Variants in ZBTB38 observed in about 807,000 individuals in gnomAD.
ZBTB38 encodes the protein zinc finger and BTB domain-containing protein 38.
Under a neutral mutation model 76.8 loss-of-function variants are expected in ZBTB38, and 20 were observed. The ratio of observed to expected loss-of-function variants is 0.26; its 90% CI spans 0.18 to 0.38. The LOEUF is 0.38. Among genes scored for constraint, ZBTB38 ranks in the 10% least tolerant of loss-of-function variants. The pLI is 1.00. For synonymous variants in ZBTB38, 504 were observed against 544.2 expected, an observed-to-expected ratio of 0.93 and a Z score of 1.03; for missense variants, 1,082 against 1,482.3, an observed-to-expected ratio of 0.73 and a Z score of 4.43.
chr3:141,356,897 CA>C (rs1391100848), intron 1 of ZBTB38, among the ~76,000 whole-genome samples: 6 of 152,178 alleles, frequency 3.9e-5, no homozygotes, highest in African/African-American at 1.4e-4. Context: ...CATTAATCAT[CA>C]AGAATGACTT....
At chr3:141,408,372 C>T (rs1363225189) in intron 5 of ZBTB38, among the ~76,000 whole-genome samples, 1 of 152,194 alleles carries the variant, frequency 6.6e-6, no homozygotes, top group Non-Finnish European at 1.5e-5. Context: ...CGTGGCAAAA[C>T]CCCATCTCTA....
intron 1 of ZBTB38, among the ~76,000 whole-genome samples, chr3:141,361,747 G>C (rs574592740): frequency 1.3e-5 from 2 of 152,290 alleles, no homozygotes; most frequent in African/African-American, 4.8e-5. Context: ...TAAATTACAG[G>C]AAAGAGCCTC....
intron 4 of ZBTB38, chr3:141,388,519 C>T (rs1288469501): frequency 6.6e-6 from 1 of 152,106 alleles, no homozygotes; most frequent in East Asian, 1.9e-4. Context: ...GACCATATAG[C>T]TGTGGTTCTG....
intron 1 of ZBTB38, among the ~76,000 whole-genome samples, chr3:141,332,587 T>C (rs2148884342): frequency 6.6e-6 from 1 of 152,292 alleles, no homozygotes; most frequent in African/African-American, 2.4e-5. Flanking sequence ...GGGGCTATAA[T>C]ATGTAATGGG....
intron 1 of ZBTB38, among the ~76,000 whole-genome samples, chr3:141,333,184 C>T (rs887232653): frequency 6.6e-6 from 1 of 152,178 alleles, no homozygotes; most frequent in Non-Finnish European, 1.5e-5. Context: ...ATTGTTTGCT[C>T]CGGTAAAGCC....
chr3:141,411,100 CTGTT>C (rs923511486), intron 5 of ZBTB38, among the ~76,000 whole-genome samples: 3 of 152,200 alleles, frequency 2.0e-5, no homozygotes, highest in African/African-American at 2.4e-5. Context: ...GAACAACTGA[CTGTT>C]TGTAGAGTTG....
chr3:141,381,810 C>T (rs1263100651), intron 3 of ZBTB38, among the ~76,000 whole-genome samples: 2 of 152,136 alleles, frequency 1.3e-5, no homozygotes, highest in East Asian at 1.9e-4. Context: ...GCCTACTTGA[C>T]CTAGAAAACA....
chr3:141,431,385 TTGGGTA>T (rs1345734994), intron 5 of ZBTB38, among the ~76,000 whole-genome samples: 3 of 147,118 alleles, frequency 2.0e-5, no homozygotes, highest in Non-Finnish European at 4.4e-5. Flanking sequence ...TCAGTGGAAT[TTGGGTA>T]AAACAAGAAA....
At chr3:141,406,814 A>G (rs978537776) in intron 5 of ZBTB38, among the ~76,000 whole-genome samples, 2 of 152,206 alleles carry the variant, frequency 1.3e-5, no homozygotes, top group African/African-American at 2.4e-5. Flanking sequence ...GGAGCCAGGC[A>G]TGTCAGACCG....
chr3:141,376,972 G>C (rs1020104872), intron 2 of ZBTB38, among the ~76,000 whole-genome samples: 2 of 152,206 alleles, frequency 1.3e-5, no homozygotes, highest in African/African-American at 4.8e-5. Context: ...ACACTATGCT[G>C]ATAACGATCT....
chr3:141,371,041 C>CTTTTTTTTTTTTTTT (rs1944488920), intron 2 of ZBTB38, among the ~76,000 whole-genome samples: 2 of 75,458 alleles, frequency 2.7e-5, no homozygotes, highest in African/African-American at 1.3e-4. Flanking sequence ...TCTTTTCTTT[C>CTTTTTTTTTTTTTTT]TTTCTTTTTT....
chr3:141,392,417 G>A (rs1384215993), intron 4 of ZBTB38, among the ~76,000 whole-genome samples: 3 of 152,202 alleles, frequency 2.0e-5, no homozygotes, highest in African/African-American at 7.2e-5. Flanking sequence ...TGCAGTCCAG[G>A]TTCCCACACA....
In ZBTB38 at chr3:141,443,918, T is replaced by C. The variant is rs2150987077; in HGVS notation, c.1530T>C (p.His510=). The C allele has an allele frequency of 6.2e-7, 1 of 1,614,210 alleles. No individual in the cohort carries two copies. The highest frequency in any genetic ancestry group is 2.2e-5 in the East Asian group (1 of 44,876). The change falls in exon 6 of 6, where the codon CAT becomes CAC. Residue 510 remains histidine (H), a synonymous_variant. Coordinates refer to ENST00000321464, the MANE Select transcript of ZBTB38 (RefSeq NM_001376113.1). The surrounding 1 kb of genome is among the most constrained non-coding windows in gnomAD (Gnocchi z 5.6). Reference sequence around the variant, plus strand: ...ACAGGACAAGGCATGAAATTTGGCATACGGGAGAAAGACGATATCAGTGCA... The same window carrying C: ...ACAGGACAAGGCATGAAATTTGGCACACGGGAGAAAGACGATATCAGTGCA... The part of the protein sequence containing the change: ...AEYRTRHEIW[H]TGERRYQCIF...
rs1001730041 is a variant in ZBTB38, at chr3:141,413,801, A to G, written c.-1+9770A>G. Among the ~76,000 whole-genome samples the G allele has an allele frequency of 3.9e-5, 6 of 152,358 alleles. No individual in the cohort carries two copies. Among genetic ancestry groups the G allele is most frequent in the Admixed American group, 2.0e-4 (3 of 15,304 alleles). ...GAAGCTTGAACAGACTTTATCATTAATGTGACTGACTGGAGCAAAGTGAAG... is the reference window on the plus strand; with the variant it reads ...GAAGCTTGAACAGACTTTATCATTAGTGTGACTGACTGGAGCAAAGTGAAG... On this transcript the variant is annotated intron_variant, in intron 5 of 5. Transcript: ENST00000321464. The surrounding 1 kb of genome is among the most constrained non-coding windows in gnomAD (Gnocchi z 4.1).
intron 5 of ZBTB38, among the ~76,000 whole-genome samples, chr3:141,434,703 A>C (rs75206890): frequency 0.03 from 4,517 of 152,282 alleles, 84 homozygotes; most frequent in Non-Finnish European, 0.045. Context: ...TCCCAGTGGC[A>C]TTTATATAAA....
intron 1 of ZBTB38, among the ~76,000 whole-genome samples, chr3:141,340,953 A>G (rs868525432): frequency 0.02 from 2,844 of 139,344 alleles, 57 homozygotes; most frequent in East Asian, 0.05. Flanking sequence ...AAAGAAGGAA[A>G]GAAAGAAAGA....
chr3:141,442,454 C>G lies in ZBTB38; in HGVS notation c.66C>G (p.Ile22Met). 1 of 1,614,186 alleles carries G rather than the reference C, an allele frequency of 6.2e-7. No individual in the cohort carries two copies. Among genetic ancestry groups the G allele is most frequent in the Non-Finnish European group, 8.5e-7 (1 of 1,180,024 alleles). The change falls in exon 6 of 6, where the codon ATC (isoleucine) becomes ATG (methionine). Residue 22 changes from isoleucine (I) to methionine (M), a missense_variant. Around this residue, in one of 8 missense-constraint regions of ZBTB38, gnomAD observed 68 missense variants for 153.0 expected, o/e 0.44. Transcript: ENST00000321464. The surrounding 1 kb of genome is among the most constrained non-coding windows in gnomAD (Gnocchi z 6.4). Reference sequence around the variant, plus strand: ...TTCACAGTGACACGGTACTCTCCATCTTAAATGAGCAGCGCATTCGGGGCA... The same window carrying G: ...TTCACAGTGACACGGTACTCTCCATGTTAAATGAGCAGCGCATTCGGGGCA... ...DDFHSDTVLS[I>M]LNEQRIRGIL...
intron 5 of ZBTB38, among the ~76,000 whole-genome samples, 170 bp downstream of exon 5, chr3:141,404,201 C>A (rs1407584268): frequency 1.3e-5 from 2 of 152,146 alleles, no homozygotes; most frequent in Non-Finnish European, 2.9e-5. Context: ...GTGAAGCCCC[C>A]GTGATGAAGG....
In ZBTB38 at chr3:141,412,984, C is replaced by T. The variant is rs764717570; in HGVS notation, c.-1+8953C>T. Among the ~76,000 whole-genome samples the T allele has an allele frequency of 5.6e-4, 86 of 152,242 alleles. 1 individual carries two copies. The highest frequency in any genetic ancestry group is 3.9e-4 in the Admixed American group (6 of 15,288). Reference sequence around the variant, plus strand: ...TGAGCCTATGAAGAGGCGACTTTCACAATCCTGTGCTGCCTTCGAGCTCTG... The same window carrying T: ...TGAGCCTATGAAGAGGCGACTTTCATAATCCTGTGCTGCCTTCGAGCTCTG... On this transcript the variant is annotated intron_variant, in intron 5 of 5. Transcript: ENST00000321464.
Sources: allele counts gnomAD v4.1 joint callset (sites outside exome capture counted in the v4.1 genomes callset), GRCh38; gene constraint gnomAD v4.1.1; regional missense constraint gnomAD v4.1.1; non-coding constraint Gnocchi (gnomAD v3.1); transcripts MANE v1.5; gene names NCBI Gene and HGNC (gene_info 2026-07-23, HGNC 2026-07-21).